BCAS3: variants seen among roughly 807,000 people sequenced by gnomAD.
BCAS3 encodes the protein BCAS4/BCAS3 fusion.
BCAS3 carries 53 observed loss-of-function variants against 116.1 expected under a neutral mutation model. The ratio of observed to expected loss-of-function variants is 0.46; its 90% CI spans 0.37 to 0.57. The LOEUF (loss-of-function observed/expected upper bound fraction) is 0.57, where lower values mean the gene tolerates loss of function less well. BCAS3 is among the 20% of genes least tolerant of loss of function. The pLI is 0.00. For missense variants in BCAS3, 917 were observed against 1,165.4 expected (o/e 0.79, Z 3.10); for synonymous variants, 391 against 408.2 (o/e 0.96, Z 0.51).
intron 11 of BCAS3, among the ~76,000 whole-genome samples, chr17:60,903,393 A>C (rs2058023468): frequency 6.6e-6 from 1 of 152,248 alleles, no homozygotes; most frequent in South Asian, 2.1e-4. Context: ...GCGCTTCAGA[A>C]TGTGTTCCTT....
intron 3 of BCAS3, among the ~76,000 whole-genome samples, chr17:60,688,398 C>G (rs765389484): frequency 2.6e-5 from 4 of 152,026 alleles, no homozygotes; most frequent in Non-Finnish European, 5.9e-5. Flanking sequence ...TTCCCAGATT[C>G]AGGTGATCCT....
Position 61,338,250 on chromosome 17 carries a change from A to T in BCAS3, c.2426-30077A>T, listed in dbSNP as rs1056060059. Among the ~76,000 whole-genome samples the T allele has an allele frequency of 5.9e-5, 9 of 152,246 alleles. 1 individual carries two copies. The highest frequency in any genetic ancestry group is 5.9e-4 in the Admixed American group (9 of 15,286). On this transcript the variant is annotated intron_variant, in intron 22 of 23. Transcript: ENST00000407086. ...GTTGAAGAAGTTAATTCACTTTGTA[A>T]GTTTACTTTAGGAGTAGAGATTATT...
intron 22 of BCAS3, among the ~76,000 whole-genome samples, chr17:61,187,948 CATT>C (rs759308514): frequency 1.0e-3 from 159 of 151,962 alleles, no homozygotes; most frequent in Non-Finnish European, 1.9e-3. Context: ...TTAGATTTAT[CATT>C]AAGGTATTTT....
At chr17:61,055,203 G>C (rs1009192799) in intron 19 of BCAS3, among the ~76,000 whole-genome samples, 6 of 152,186 alleles carry the variant, frequency 3.9e-5, no homozygotes, top group African/African-American at 1.4e-4. Flanking sequence ...CTTGTGGGTT[G>C]ATGTGGCATC....
chr17:60,782,838 T>G (rs2045951380), intron 6 of BCAS3, among the ~76,000 whole-genome samples: 1 of 152,066 alleles, frequency 6.6e-6, no homozygotes, highest in Admixed American at 6.6e-5. Flanking sequence ...TCTGCCTGGC[T>G]TGGCCTCCCA....
rs1348620046 is a variant in BCAS3, at chr17:61,065,714, T to C, written c.2030-9206T>C. 2.6e-5 allele frequency among the ~76,000 whole-genome samples: 4 copies of C among 152,014 alleles called. No individual in the cohort carries two copies. The highest frequency in any genetic ancestry group is 5.9e-5 in the Non-Finnish European group (4 of 67,994). ...GGAAGGGTGGGGATATGGTAAAGAG[T>C]AGGAGAAAACAAAAACTGTGTCTGG... On this transcript the variant is annotated intron_variant, in intron 19 of 23. Transcript: ENST00000407086. The surrounding 1 kb of genome is among the most constrained non-coding windows in gnomAD (Gnocchi z 4.8).
chr17:61,084,678 G>A lies in BCAS3; in HGVS notation c.2425+114G>A, dbSNP rs1277863651. On this transcript the variant is annotated intron_variant, in intron 22 of 23. Coordinates refer to ENST00000407086, the MANE Select transcript of BCAS3 (RefSeq NM_017679.5). This position sits in a 1 kb window ranked among gnomAD's most constrained non-coding sequence, Gnocchi z 5.5. ...GCTTTCCTCTCTGTTTTTTTGTTTT[G>A]TGGTGTGTGTGCATTTTAATACAGT... 7.0e-6 allele frequency: 6 copies of A among 861,474 alleles called. No individual in the cohort carries two copies. The highest frequency in any genetic ancestry group is 1.1e-5 in the Non-Finnish European group (6 of 533,294). 53.4% of individuals were successfully genotyped at this position (861,474 alleles called of 1,614,324 possible).
chr17:60,699,862 CAAA>C (rs34153475), intron 4 of BCAS3, among the ~76,000 whole-genome samples: 9,271 of 68,416 alleles, frequency 0.14, 969 homozygotes, highest in African/African-American at 0.32. Context: ...GACTCCGTCT[CAAA>C]AAAAAAAAAA....
chr17:61,220,276 A>AGAGT lies in BCAS3; in HGVS notation c.2425+135716_2425+135719dup, dbSNP rs2082037052. 6.8e-6 allele frequency among the ~76,000 whole-genome samples: 1 copy of AGAGT among 147,110 alleles called. No individual in the cohort carries two copies. Among genetic ancestry groups the AGAGT allele is most frequent in the African/African-American group, 2.5e-5 (1 of 39,400 alleles). On this transcript the variant is annotated intron_variant, in intron 22 of 23. Coordinates refer to ENST00000407086, the MANE Select transcript of BCAS3 (RefSeq NM_017679.5). The surrounding 1 kb of genome is among the most constrained non-coding windows in gnomAD (Gnocchi z 4.5). The stretch of plus-strand genomic sequence containing the variant: ...GCCACTGCACTTCAGCCTGGGCAAC[A>AGAGT]GAGTGAGACTCCATCTCAAAAAACA...
At chr17:60,825,394 G>A (rs1042413296) in intron 7 of BCAS3, among the ~76,000 whole-genome samples, 2 of 150,974 alleles carry the variant, frequency 1.3e-5, no homozygotes, top group Non-Finnish European at 1.5e-5. Context: ...CCACATCTCC[G>A]AATCTCATGT....
chr17:61,198,816 C>G lies in BCAS3; in HGVS notation c.2425+114252C>G, dbSNP rs2080648602. Reference sequence around the variant, plus strand: ...GAACTAACGGTTTAATTTCCTGACTCTTAGAGTCCAAATGTTTTCTTAGAT... The same window carrying G: ...GAACTAACGGTTTAATTTCCTGACTGTTAGAGTCCAAATGTTTTCTTAGAT... On this transcript the variant is annotated intron_variant, in intron 22 of 23. Coordinates refer to ENST00000407086, the MANE Select transcript of BCAS3 (RefSeq NM_017679.5). The surrounding 1 kb of genome is among the most constrained non-coding windows in gnomAD (Gnocchi z 5.0). 6.6e-6 allele frequency among the ~76,000 whole-genome samples: 1 copy of G among 152,174 alleles called. No individual in the cohort carries two copies. Among genetic ancestry groups the G allele is most frequent in the East Asian group, 1.9e-4 (1 of 5,190 alleles).
At chr17:61,119,749 T>C (rs2075687261) in intron 22 of BCAS3, among the ~76,000 whole-genome samples, 4 of 152,088 alleles carry the variant, frequency 2.6e-5, no homozygotes, top group African/African-American at 4.8e-5. Context: ...TATAATTTTT[T>C]CACTTAGAAA....
intron 9 of BCAS3, among the ~76,000 whole-genome samples, chr17:60,876,403 A>G (rs2055609840): frequency 6.6e-6 from 1 of 152,038 alleles, no homozygotes; most frequent in Non-Finnish European, 1.5e-5. Flanking sequence ...AATCCTATAT[A>G]TCTTTCTGGG....
At chr17:61,060,966 C>G (rs1568255759) in intron 19 of BCAS3, among the ~76,000 whole-genome samples, 1 of 152,166 alleles carries the variant, frequency 6.6e-6, no homozygotes. Flanking sequence ...GGAAAATGCT[C>G]TTCTTACTTT....
chr17:60,724,467 G>A (rs112200950), intron 5 of BCAS3, among the ~76,000 whole-genome samples: 4,938 of 148,246 alleles, frequency 0.033, 226 homozygotes, highest in African/African-American at 0.1. Flanking sequence ...GCTCATGCCC[G>A]TAATCCCAGC....
At chr17:60,869,337 C>CA (rs2144890753) in intron 8 of BCAS3, among the ~76,000 whole-genome samples, 1 of 152,292 alleles carries the variant, frequency 6.6e-6, no homozygotes, top group Non-Finnish European at 1.5e-5. Flanking sequence ...TCCGTTTAAG[C>CA]AAACTGAAGC....
At chr17:60,798,255 CA>C (rs1470882900) in intron 6 of BCAS3, among the ~76,000 whole-genome samples, 1 of 152,202 alleles carries the variant, frequency 6.6e-6, no homozygotes, top group Non-Finnish European at 1.5e-5. Context: ...ATGCATTTCA[CA>C]AATGTATAGT....
In BCAS3 at chr17:61,332,262, A is replaced by G. The variant is rs1251890254; in HGVS notation, c.2426-36065A>G. Among the ~76,000 whole-genome samples the G allele has an allele frequency of 2.0e-5, 3 of 152,122 alleles. No homozygotes were observed. The highest frequency in any genetic ancestry group is 4.4e-5 in the Non-Finnish European group (3 of 68,008). ...CAGATACTGCCTGGTGACCCACCTA[A>G]AACAGTCTTACTAGGACAGCAGGCT... On this transcript the variant is annotated intron_variant, in intron 22 of 23. Coordinates refer to ENST00000407086, the MANE Select transcript of BCAS3 (RefSeq NM_017679.5). The surrounding 1 kb of genome is among the most constrained non-coding windows in gnomAD (Gnocchi z 5.4).
chr17:60,863,118 T>C (rs1274320538), intron 7 of BCAS3, among the ~76,000 whole-genome samples: 2 of 152,216 alleles, frequency 1.3e-5, no homozygotes, highest in African/African-American at 2.4e-5. Context: ...ATTTTTTTCA[T>C]ATAGAAATCT....
Sources: gnomAD v4.1 joint callset for allele counts (sites outside exome capture counted in the v4.1 genomes callset) on GRCh38, gnomAD v4.1.1 for gene constraint, Gnocchi (gnomAD v3.1) non-coding constraint, MANE v1.5 for transcripts, NCBI Gene and HGNC (gene_info 2026-07-23, HGNC 2026-07-21) for gene names.